Variants in MAST2 observed in about 807,000 individuals in gnomAD.
MAST2 encodes the protein microtubule-associated serine/threonine-protein kinase 2.
A neutral mutation model predicts 147.4 loss-of-function variants in MAST2; 70 were observed. That is an observed-to-expected ratio of 0.47 (90% CI 0.39 to 0.58). The LOEUF (loss-of-function observed/expected upper bound fraction) is 0.58, where lower values mean the gene tolerates loss of function less well. Ranked by LOEUF, MAST2 falls within the 20% of genes least tolerant of loss-of-function variation. MAST2 has a pLI of 0.00. For missense variants in MAST2, 2,080 were observed against 2,302.3 expected, an observed-to-expected ratio of 0.90 and a Z score of 1.98; for synonymous variants, 869 against 896.8, an observed-to-expected ratio of 0.97 and a Z score of 0.55.
Position 46,028,762 on chromosome 1 carries a change from G to C in MAST2, c.2053-6G>C, listed in dbSNP as rs1646516753. The C allele has an allele frequency of 1.2e-6, 2 of 1,614,012 alleles. No individual in the cohort carries two copies. Among genetic ancestry groups the C allele is most frequent in the Non-Finnish European group, 1.7e-6 (2 of 1,179,992 alleles). On this transcript the variant is annotated splice_polypyrimidine_tract_variant and splice_region_variant and intron_variant, in intron 17 of 28. Transcript: ENST00000361297. Reference sequence around the variant, plus strand: ...GGCTGAGCCAGCCTGGCTTTTCTGTGCCCAGGTATGCGGGACCCCAGAATA... The same window carrying C: ...GGCTGAGCCAGCCTGGCTTTTCTGTCCCCAGGTATGCGGGACCCCAGAATA...
chr1:46,030,814 C>G, intron 22 of MAST2, 53 bp downstream of exon 22: 5 of 1,511,862 alleles, frequency 3.3e-6, no homozygotes, highest in Non-Finnish European at 4.4e-6. Flanking sequence ...CCTGCATTGT[C>G]ACAGATCATG....
intron 4 of MAST2, among the ~76,000 whole-genome samples, chr1:45,930,495 T>TCATA (rs1282021881): frequency 6.6e-6 from 1 of 152,102 alleles, no homozygotes; most frequent in African/African-American, 2.4e-5. Context: ...ATTCATTCAT[T>TCATA]CATTCATACA....
intron 5 of MAST2, among the ~76,000 whole-genome samples, chr1:45,971,835 A>G (rs988702921): frequency 1.3e-5 from 2 of 152,216 alleles, no homozygotes; most frequent in African/African-American, 4.8e-5. Context: ...TTTCTGGCAT[A>G]TATATGGAGG....
intron 4 of MAST2, among the ~76,000 whole-genome samples, chr1:45,932,473 A>G (rs1048208996): frequency 6.6e-6 from 1 of 152,148 alleles, no homozygotes; most frequent in Non-Finnish European, 1.5e-5. Flanking sequence ...CAGGAGTTCA[A>G]GACCAGCCTG....
At chr1:45,865,347 G>A (rs1646110554) in intron 3 of MAST2, among the ~76,000 whole-genome samples, 1 of 152,042 alleles carries the variant, frequency 6.6e-6, no homozygotes, top group Non-Finnish European at 1.5e-5. Context: ...TGCTGCTTGG[G>A]CTTATTTACA....
chr1:45,911,126 A>ATAT (rs1651590811), intron 4 of MAST2, among the ~76,000 whole-genome samples: 1 of 152,194 alleles, frequency 6.6e-6, no homozygotes, highest in Non-Finnish European at 1.5e-5. Flanking sequence ...AAGAGAAGGC[A>ATAT]GGTGTTTCTT....
At position 45,964,253 on chromosome 1, in the gene MAST2, G is replaced by T. The variant is rs183552013; in HGVS notation, c.592+4776G>T. On this transcript the variant is annotated intron_variant, in intron 5 of 28. Transcript: ENST00000361297. ...CATAAAATGAGTTAGGGAGGATTCCGTCTTTTTCTATTGATTGGAATAGTT... is the reference window on the plus strand; with the variant it reads ...CATAAAATGAGTTAGGGAGGATTCCTTCTTTTTCTATTGATTGGAATAGTT... Among the ~76,000 whole-genome samples, 4 of 152,172 alleles carry T rather than the reference G, an allele frequency of 2.6e-5. No homozygotes were observed. The East Asian group carries it at 5.8e-4, about 22-fold the overall frequency.
chr1:45,921,893 C>T (rs1027344649), intron 4 of MAST2, among the ~76,000 whole-genome samples: 3 of 152,156 alleles, frequency 2.0e-5, no homozygotes, highest in Non-Finnish European at 2.9e-5. Flanking sequence ...CGGTGGGTCC[C>T]GAGTTCTTGT....
rs1461896302 is a variant in MAST2, at chr1:46,029,540, CAG to C, written c.2295_2296del (p.Asn766ProfsTer12). The C allele has an allele frequency of 6.2e-7, 1 of 1,613,996 alleles. No individual in the cohort carries two copies. The highest frequency in any genetic ancestry group is 8.5e-7 in the Non-Finnish European group (1 of 1,179,998). On this transcript the variant is annotated frameshift_variant, in exon 19 of 29. Transcript: ENST00000361297. LOFTEE classifies it high-confidence loss of function. ...GGACCTCACCTCCAAACTGCTCCACCAGAACCCTCTGGAGAGACTTGGCACAG... is the reference window on the plus strand; with the variant it reads ...GGACCTCACCTCCAAACTGCTCCACCAACCCTCTGGAGAGACTTGGCACAG... ...AQDLTSKLLH[Q>X]NPLERLGTGS...
intron 4 of MAST2, among the ~76,000 whole-genome samples, chr1:45,896,053 T>C (rs1031207498): frequency 6.6e-6 from 1 of 152,004 alleles, no homozygotes; most frequent in Non-Finnish European, 1.5e-5. Flanking sequence ...TTTTTTTTTT[T>C]TTTTTGAGAC....
chr1:45,849,661 G>A (rs1226229311), intron 3 of MAST2, among the ~76,000 whole-genome samples: 1 of 152,022 alleles, frequency 6.6e-6, no homozygotes, highest in Non-Finnish European at 1.5e-5. Flanking sequence ...GGAGTAGCTG[G>A]GACTACAGGC....
intron 4 of MAST2, among the ~76,000 whole-genome samples, chr1:45,954,845 T>C (rs1659425496): frequency 6.6e-6 from 1 of 152,206 alleles, no homozygotes; most frequent in Non-Finnish European, 1.5e-5. Context: ...TGTTTTGGCT[T>C]TTATTTTAAA....
At chr1:46,011,185 G>A in intron 10 of MAST2, 3 of 512,994 alleles carry the variant, frequency 5.8e-6, no homozygotes, top group Non-Finnish European at 1.1e-5. Context: ...TTACTTTGTT[G>A]TATTACGCGA....
At chr1:45,812,471 G>A (rs572479171) in intron 1 of MAST2, among the ~76,000 whole-genome samples, 1 of 148,370 alleles carries the variant, frequency 6.7e-6, no homozygotes, top group African/African-American at 2.5e-5. Flanking sequence ...ACTGTTGCCC[G>A]GGCTGGAGTA....
chr1:45,943,858 G>A (rs758816572), intron 4 of MAST2, among the ~76,000 whole-genome samples: 1 of 152,190 alleles, frequency 6.6e-6, no homozygotes, highest in Non-Finnish European at 1.5e-5. Context: ...ACTACTGATA[G>A]CCTGTCACAG....
At chr1:45,906,685 T>C (rs1650800226) in intron 4 of MAST2, among the ~76,000 whole-genome samples, 1 of 148,916 alleles carries the variant, frequency 6.7e-6, no homozygotes, top group African/African-American at 2.4e-5. Flanking sequence ...TAACATATAA[T>C]AATTATATTA....
intron 4 of MAST2, among the ~76,000 whole-genome samples, chr1:45,892,241 A>C (rs1313413200): frequency 1.3e-5 from 2 of 152,200 alleles, no homozygotes; most frequent in Non-Finnish European, 2.9e-5. Flanking sequence ...AACTGTAAGG[A>C]GACTCAGTAA....
At chr1:45,899,773 T>C (rs911195635) in intron 4 of MAST2, among the ~76,000 whole-genome samples, 1 of 151,990 alleles carries the variant, frequency 6.6e-6, no homozygotes, top group African/African-American at 2.4e-5. Context: ...AATGTACCAG[T>C]GTAGGTGTCT....
intron 5 of MAST2, among the ~76,000 whole-genome samples, chr1:45,961,508 G>A (rs1013921246): frequency 3.3e-5 from 5 of 152,198 alleles, no homozygotes; most frequent in African/African-American, 1.2e-4. Context: ...ATTTGATTGA[G>A]AACACCACCT....
Sources: gnomAD v4.1 joint callset for allele counts (sites outside exome capture counted in the v4.1 genomes callset) on GRCh38, gnomAD v4.1.1 for gene constraint, MANE v1.5 for transcripts, NCBI Gene and HGNC (gene_info 2026-07-23, HGNC 2026-07-21) for gene names.